Variants in SORCS2 observed in about 807,000 individuals in gnomAD.
The protein encoded by SORCS2 is VPS10 domain-containing receptor SorCS2.
Under a neutral mutation model 141.6 loss-of-function variants are expected in SORCS2, and 100 were observed. The observed-to-expected ratio is 0.71, with a 90% CI of 0.60 to 0.83. The LOEUF is 0.83. Among genes scored for constraint, SORCS2 ranks in the 40% least tolerant of loss-of-function variants. The pLI, the probability that SORCS2 is intolerant of heterozygous loss-of-function variation, is 0.00. For missense variants in SORCS2, 1,646 were observed against 1,560.2 expected (o/e 1.05, Z -0.93); for synonymous variants, 789 against 676.9 (o/e 1.17, Z -2.57).
intron 23 of SORCS2, among the ~76,000 whole-genome samples, chr4:7,732,448 G>A (rs747368658): frequency 4.6e-5 from 7 of 152,174 alleles, no homozygotes; most frequent in Non-Finnish European, 1.0e-4. Context: ...CATTTGTCAC[G>A]TCACGCAGAC....
chr4:7,264,862 C>T (rs1320404168), intron 1 of SORCS2, among the ~76,000 whole-genome samples: 2 of 152,222 alleles, frequency 1.3e-5, no homozygotes, highest in South Asian at 2.1e-4. Context: ...AGGCCCCCGG[C>T]GATGTCCAGT....
At chr4:7,256,384 TAAAA>T (rs983985020) in intron 1 of SORCS2, among the ~76,000 whole-genome samples, 3 of 152,040 alleles carry the variant, frequency 2.0e-5, no homozygotes, top group African/African-American at 7.2e-5. Context: ...AATTAAAAAT[TAAAA>T]AACAAAAAAC....
intron 1 of SORCS2, among the ~76,000 whole-genome samples, chr4:7,358,124 G>A (rs1721368651): frequency 6.6e-6 from 1 of 152,194 alleles, no homozygotes; most frequent in African/African-American, 2.4e-5. Context: ...CACAGGAAAG[G>A]GCACAGAGAA....
At chr4:7,328,072 C>T (rs1719401249) in intron 1 of SORCS2, among the ~76,000 whole-genome samples, 2 of 135,170 alleles carry the variant, frequency 1.5e-5, no homozygotes, top group Admixed American at 1.7e-4. Context: ...ATCACCCAGG[C>T]TGGAGTGAAG....
At chr4:7,371,238 A>G (rs1722227861) in intron 1 of SORCS2, among the ~76,000 whole-genome samples, 1 of 152,098 alleles carries the variant, frequency 6.6e-6, no homozygotes, top group Admixed American at 6.5e-5. Context: ...TACCCGCTGC[A>G]GGTCTGAGAG....
chr4:7,471,084 A>G (rs917747829), intron 2 of SORCS2, among the ~76,000 whole-genome samples: 1 of 152,194 alleles, frequency 6.6e-6, no homozygotes, highest in Non-Finnish European at 1.5e-5. Flanking sequence ...TGGAGGGAAC[A>G]GCTAGGGAAA....
intron 2 of SORCS2, among the ~76,000 whole-genome samples, chr4:7,497,616 A>G (rs1271798086): frequency 5.3e-5 from 8 of 152,264 alleles, no homozygotes; most frequent in Admixed American, 5.2e-4. Context: ...TCCCTGCTGT[A>G]TGTTGAGCAC....
chr4:7,381,364 G>A (rs564938991), intron 1 of SORCS2, among the ~76,000 whole-genome samples: 255 of 152,318 alleles, frequency 1.7e-3, no homozygotes, highest in African/African-American at 5.8e-3. Context: ...GCTGGAGGGT[G>A]CTTCCCCAGA....
rs140808792 is a variant in SORCS2, at chr4:7,193,640, G to T, written c.480+514G>T. 3.3e-5 allele frequency among the ~76,000 whole-genome samples: 5 copies of T among 152,306 alleles called. No homozygotes were observed. In the East Asian group the frequency reaches 9.7e-4, roughly 29 times the overall value. On this transcript the variant is annotated intron_variant, in intron 1 of 26. Transcript: ENST00000507866. This position sits in a 1 kb window ranked among gnomAD's most constrained non-coding sequence, Gnocchi z 4.8. ...CTCGAATCCTGTTCTGGGACTCTGGGATTTCTGGGTTACCCCTCTCCCCGG... is the reference window on the plus strand; with the variant it reads ...CTCGAATCCTGTTCTGGGACTCTGGTATTTCTGGGTTACCCCTCTCCCCGG...
chr4:7,723,547 G>A (rs561449831), intron 18 of SORCS2, 150 bp from the exon 19 acceptor site: 37 of 839,380 alleles, frequency 4.4e-5, no homozygotes, highest in African/African-American at 1.9e-4. Flanking sequence ...AACCAGGCCC[G>A]GTCTCCTGTG....
chr4:7,382,471 G>A (rs1723049449), intron 1 of SORCS2, among the ~76,000 whole-genome samples: 1 of 152,158 alleles, frequency 6.6e-6, no homozygotes, highest in Admixed American at 6.5e-5. Flanking sequence ...TCCCCGAGTT[G>A]AGTTTGAAGC....
At chr4:7,392,313 C>T (rs1359038274) in intron 1 of SORCS2, among the ~76,000 whole-genome samples, 2 of 151,436 alleles carry the variant, frequency 1.3e-5, no homozygotes, top group African/African-American at 4.9e-5. Flanking sequence ...CCTTAGGTGT[C>T]AGGAGGAGCG....
At chr4:7,243,322 T>G (rs1275236159) in intron 1 of SORCS2, among the ~76,000 whole-genome samples, 1 of 152,144 alleles carries the variant, frequency 6.6e-6, no homozygotes, top group East Asian at 1.9e-4. Flanking sequence ...CCTGCTAGGC[T>G]AAGCTGAGAA....
intron 3 of SORCS2, among the ~76,000 whole-genome samples, chr4:7,613,123 G>A (rs886886289): frequency 7.9e-5 from 12 of 152,266 alleles, no homozygotes; most frequent in African/African-American, 1.9e-4. Flanking sequence ...CTCCTCTGAA[G>A]GAGGTGTCAG....
intron 1 of SORCS2, among the ~76,000 whole-genome samples, chr4:7,354,232 G>C (rs936781827): frequency 6.6e-6 from 1 of 152,184 alleles, no homozygotes; most frequent in African/African-American, 2.4e-5. Flanking sequence ...GCAGTAGAGA[G>C]GGTCAGTAGG....
rs183501688 is a variant in SORCS2 at position 7,408,221 on chromosome 4, G to A, written c.548+11866G>A. 5.6e-3 allele frequency among the ~76,000 whole-genome samples: 858 copies of A among 152,116 alleles called. 5 individuals are homozygous for A. The highest frequency in any genetic ancestry group is 0.027 in the Middle Eastern group (8 of 294). The stretch of plus-strand genomic sequence containing the variant: ...TTTTATGTATTTTTTGCATGCTAGC[G>A]TTTTAATTTTTTTTCCTTTCAGATG... On this transcript the variant is annotated intron_variant, in intron 2 of 26. Transcript: ENST00000507866.
chr4:7,584,987 G>C (rs142991149), intron 3 of SORCS2, among the ~76,000 whole-genome samples: 1 of 152,118 alleles, frequency 6.6e-6, no homozygotes, highest in Non-Finnish European at 1.5e-5. Flanking sequence ...TGTGATTCCC[G>C]GCGTGACTGC....
At chr4:7,416,721 C>G (rs1194173925) in intron 2 of SORCS2, among the ~76,000 whole-genome samples, 1 of 31,238 alleles carries the variant, frequency 3.2e-5, no homozygotes, top group African/African-American at 6.8e-5. Flanking sequence ...TGTGCACACA[C>G]TCAGACACAC....
At chr4:7,589,423 G>C (rs921064379) in intron 3 of SORCS2, among the ~76,000 whole-genome samples, 5 of 151,856 alleles carry the variant, frequency 3.3e-5, no homozygotes, top group Admixed American at 6.6e-5. Context: ...TTTGTTTTGA[G>C]ACAGAGTCTC....
Sources: allele counts gnomAD v4.1 joint callset (sites outside exome capture counted in the v4.1 genomes callset), GRCh38; gene constraint gnomAD v4.1.1; non-coding constraint Gnocchi (gnomAD v3.1); transcripts MANE v1.5; gene names NCBI Gene and HGNC (gene_info 2026-07-23, HGNC 2026-07-21).